The following GULP1 variants were observed in gnomAD, a reference collection of about 807,000 sequenced individuals.
GULP1 encodes the protein PTB domain-containing engulfment adapter protein 1.
Under a neutral mutation model 40.9 loss-of-function variants are expected in GULP1, and 19 were observed. That is an observed-to-expected ratio of 0.46 (90% CI 0.32 to 0.68). The LOEUF is 0.68. Ranked by LOEUF, GULP1 falls within the 30% of genes least tolerant of loss-of-function variation. The probability of loss-of-function intolerance (pLI) is 0.03; values close to 1 mark genes in which losing one functional copy is unlikely to be tolerated. For synonymous variants in GULP1, 119 were observed against 117.6 expected (o/e 1.01, Z -0.08); for missense variants, 312 against 362.2 (o/e 0.86, Z 1.12).
At chr2:188,420,865 G>A (rs1350358653) in intron 2 of GULP1, among the ~76,000 whole-genome samples, 1 of 152,170 alleles carries the variant, frequency 6.6e-6, no homozygotes, top group East Asian at 1.9e-4. Flanking sequence ...TAGAGTGGTA[G>A]CTCGGTTTTT....
At chr2:188,456,744 GA>G (rs1374721742) in intron 2 of GULP1, among the ~76,000 whole-genome samples, 1 of 152,104 alleles carries the variant, frequency 6.6e-6, no homozygotes, top group Non-Finnish European at 1.5e-5. Context: ...ACCCCAGAAT[GA>G]TATATCTGCT....
chr2:188,333,750 A>G lies in GULP1; in HGVS notation c.-172+41584A>G, dbSNP rs184283846. ...TTTAATGACAATACTACCACTCTGAATTTTGTTATGTGCTTTGCCCTCAAG... is the reference window on the plus strand; with the variant it reads ...TTTAATGACAATACTACCACTCTGAGTTTTGTTATGTGCTTTGCCCTCAAG... On this transcript the variant is annotated intron_variant, in intron 1 of 11. Transcript: ENST00000409830. Among the ~76,000 whole-genome samples the G allele has an allele frequency of 4.6e-5, 7 of 152,232 alleles. No individual in the cohort carries two copies. In the East Asian group the frequency reaches 1.4e-3, roughly 29 times the overall value.
chr2:188,347,032 C>G (rs1559135557), intron 1 of GULP1, among the ~76,000 whole-genome samples: 1 of 152,006 alleles, frequency 6.6e-6, no homozygotes, highest in Non-Finnish European at 1.5e-5. Context: ...TGATAAAGCA[C>G]TGCAATAAGC....
At chr2:188,519,459 C>T (rs1008018490) in intron 4 of GULP1, among the ~76,000 whole-genome samples, 1 of 152,196 alleles carries the variant, frequency 6.6e-6, no homozygotes, top group African/African-American at 2.4e-5. Flanking sequence ...ACCCTTCCTT[C>T]TTCTAGTTCA....
intron 2 of GULP1, among the ~76,000 whole-genome samples, chr2:188,429,445 A>G (rs2056598405): frequency 6.6e-6 from 1 of 152,088 alleles, no homozygotes; most frequent in Non-Finnish European, 1.5e-5. Context: ...GGTTGCTGTG[A>G]GCCAAGATCT....
chr2:188,495,272 C>T (rs1477630192), intron 4 of GULP1, among the ~76,000 whole-genome samples: 1 of 152,062 alleles, frequency 6.6e-6, no homozygotes, highest in Non-Finnish European at 1.5e-5. Context: ...ATTCTATACC[C>T]AATACCTAGA....
chr2:188,561,562 AT>A (rs1045171319), intron 7 of GULP1, among the ~76,000 whole-genome samples: 6 of 152,128 alleles, frequency 3.9e-5, no homozygotes, highest in Non-Finnish European at 7.4e-5. Flanking sequence ...GGTAATCCAC[AT>A]GATCCTGGGC....
At chr2:188,293,515 G>A (rs1340690870) in intron 1 of GULP1, among the ~76,000 whole-genome samples, 3 of 152,208 alleles carry the variant, frequency 2.0e-5, no homozygotes, top group Non-Finnish European at 4.4e-5. Context: ...TTATTAGACA[G>A]AGTGAATGTG....
intron 2 of GULP1, among the ~76,000 whole-genome samples, chr2:188,422,597 T>C (rs1345718620): frequency 6.6e-6 from 1 of 152,048 alleles, no homozygotes; most frequent in Non-Finnish European, 1.5e-5. Context: ...ATATGTTTTA[T>C]TTATTATGTG....
chr2:188,513,787 A>T (rs1371019797), intron 4 of GULP1, among the ~76,000 whole-genome samples: 2 of 152,124 alleles, frequency 1.3e-5, no homozygotes, highest in Non-Finnish European at 2.9e-5. Context: ...AATTCACCGT[A>T]ATAAATTTTG....
rs56274020 is a variant in GULP1 at position 188,368,939 on chromosome 2, GTATATATATATATATATATA to G, written c.-171-14804_-171-14785del. Among the ~76,000 whole-genome samples, 30 of 86,080 alleles carry G rather than the reference GTATATATATATATATATATA, an allele frequency of 3.5e-4. 1 individual carries two copies. The highest frequency in any genetic ancestry group is 5.0e-4 in the South Asian group (1 of 2,008). The allele number at this position is 86,080 out of a possible 152,430, so 56.5% of individuals were successfully genotyped here. On this transcript the variant is annotated intron_variant, in intron 1 of 11. Coordinates refer to ENST00000409830, the MANE Select transcript of GULP1 (RefSeq NM_016315.4). Reference sequence around the variant, plus strand: ...TATATATATGTATATATATATGTGTGTATATATATATATATATATATATATATATATATATATATTTGAGA... The same window carrying G: ...TATATATATGTATATATATATGTGTGTATATATATATATATATATTTGAGA...
chr2:188,480,290 G>A (rs2153047453), intron 3 of GULP1, among the ~76,000 whole-genome samples: 1 of 152,022 alleles, frequency 6.6e-6, no homozygotes, highest in South Asian at 2.1e-4. Flanking sequence ...AACATACCCT[G>A]TGTACAGTAT....
chr2:188,526,733 A>T (rs1430756518), intron 5 of GULP1, among the ~76,000 whole-genome samples: 1 of 152,230 alleles, frequency 6.6e-6, no homozygotes, highest in Non-Finnish European at 1.5e-5. Flanking sequence ...CTTGATATGC[A>T]TGAAGGTAGA....
chr2:188,534,908 G>T (rs1688520418), intron 6 of GULP1, among the ~76,000 whole-genome samples: 2 of 151,894 alleles, frequency 1.3e-5, no homozygotes, highest in African/African-American at 4.8e-5. Flanking sequence ...TTAGCCAGTT[G>T]ACTTCATTAT....
intron 1 of GULP1, among the ~76,000 whole-genome samples, chr2:188,377,379 AT>A (rs2048432741): frequency 6.6e-6 from 1 of 152,180 alleles, no homozygotes; most frequent in Non-Finnish European, 1.5e-5. Context: ...CTAAGTTCAC[AT>A]TAATATGCAG....
intron 7 of GULP1, among the ~76,000 whole-genome samples, chr2:188,549,597 C>G (rs1331099599): frequency 2.6e-5 from 4 of 151,746 alleles, no homozygotes; most frequent in Non-Finnish European, 5.9e-5. Context: ...TTATAAGAAA[C>G]TGAACATGCA....
intron 2 of GULP1, among the ~76,000 whole-genome samples, chr2:188,399,060 A>G (rs971892755): frequency 6.6e-6 from 1 of 152,224 alleles, no homozygotes; most frequent in Admixed American, 6.5e-5. Context: ...TATACAAGCA[A>G]TCTGTGCTAT....
intron 4 of GULP1, among the ~76,000 whole-genome samples, chr2:188,521,387 G>A (rs1290400747): frequency 1.3e-5 from 2 of 152,062 alleles, no homozygotes; most frequent in African/African-American, 4.8e-5. Flanking sequence ...CACACTTACT[G>A]TATTAGTCTG....
chr2:188,592,611 T>TA (rs1272324464), intron 11 of GULP1: 6 of 152,196 alleles, frequency 3.9e-5, no homozygotes, highest in African/African-American at 1.4e-4. Context: ...CTGTAATTGC[T>TA]ATATAGTAGT....
Sources: gnomAD v4.1 joint callset for allele counts (sites outside exome capture counted in the v4.1 genomes callset) on GRCh38, gnomAD v4.1.1 for gene constraint, MANE v1.5 for transcripts, NCBI Gene and HGNC (gene_info 2026-07-23, HGNC 2026-07-21) for gene names.